MARK2: variants seen among roughly 807,000 people sequenced by gnomAD.
MARK2 encodes the protein microtubule affinity regulating kinase 2.
MARK2 carries 16 observed loss-of-function variants against 89.8 expected under a neutral mutation model. The observed-to-expected ratio is 0.18, with a 90% CI of 0.12 to 0.27. The LOEUF (loss-of-function observed/expected upper bound fraction) is 0.27. Among genes scored for constraint, MARK2 ranks in the 10% least tolerant of loss-of-function variants. The probability of loss-of-function intolerance (pLI) is 1.00; values close to 1 mark genes in which losing one functional copy is unlikely to be tolerated. For missense variants in MARK2, 621 were observed against 1,049.9 expected (o/e 0.59, Z 5.65); for synonymous variants, 382 against 399.5 (o/e 0.96, Z 0.52).
intron 1 of MARK2, among the ~76,000 whole-genome samples, chr11:63,853,205 C>T (rs2016659716): frequency 1.3e-5 from 2 of 151,958 alleles, no homozygotes; most frequent in South Asian, 4.2e-4. Flanking sequence ...TTGAGACCAG[C>T]CTGGCCAACA....
intron 1 of MARK2, among the ~76,000 whole-genome samples, chr11:63,861,207 G>A (rs187771092): frequency 8.3e-4 from 126 of 152,240 alleles, no homozygotes; most frequent in African/African-American, 2.8e-3. Context: ...AGGCTAAGGC[G>A]GGCGGATCAC....
intron 3 of MARK2, among the ~76,000 whole-genome samples, 185 bp downstream of exon 3, chr11:63,895,818 C>T (rs1324728191): frequency 2.0e-5 from 3 of 151,724 alleles, no homozygotes; most frequent in Non-Finnish European, 2.9e-5. Context: ...TATAGGCACC[C>T]GCCACCACAC....
intron 1 of MARK2, among the ~76,000 whole-genome samples, chr11:63,850,239 C>T (rs1369527041): frequency 3.3e-5 from 5 of 152,038 alleles, no homozygotes; most frequent in African/African-American, 4.8e-5. Context: ...ACCTCCACCT[C>T]CCAGGTTCAA....
chr11:63,873,417 C>T (rs1349872872), intron 1 of MARK2, among the ~76,000 whole-genome samples: 1 of 152,122 alleles, frequency 6.6e-6, no homozygotes, highest in Non-Finnish European at 1.5e-5. Context: ...GTAGCTGCTC[C>T]TTTGAGAGAA....
chr11:63,873,963 A>G (rs1256790311), intron 1 of MARK2, among the ~76,000 whole-genome samples: 2 of 152,198 alleles, frequency 1.3e-5, no homozygotes, highest in African/African-American at 4.8e-5. Flanking sequence ...TTGGTTATTT[A>G]GGGGCTGTGA....
intron 1 of MARK2, among the ~76,000 whole-genome samples, chr11:63,845,851 T>A (rs1434659831): frequency 6.6e-6 from 1 of 152,044 alleles, no homozygotes; most frequent in Non-Finnish European, 1.5e-5. Flanking sequence ...GTCTTCCAAA[T>A]AACCAGGATT....
chr11:63,885,410 G>A (rs1040156708), intron 1 of MARK2, among the ~76,000 whole-genome samples: 1 of 151,592 alleles, frequency 6.6e-6, no homozygotes, highest in African/African-American at 2.4e-5. Flanking sequence ...GTATTGCTGT[G>A]GGCCTATAGT....
chr11:63,844,680 T>C (rs900411870), intron 1 of MARK2, among the ~76,000 whole-genome samples: 1 of 152,212 alleles, frequency 6.6e-6, no homozygotes, highest in Non-Finnish European at 1.5e-5. Flanking sequence ...AGTTGGTGCC[T>C]ATGAGGTAGG....
At position 63,904,227 on chromosome 11, in the gene MARK2, CT is replaced by C. The variant is rs1448921410; in HGVS notation, c.1676+82del. ...TTGCCCCAACAATTTCTTCTTCCCACTTGGGGGTCCTGCTGTGTTCTTGTCA... is the reference window on the plus strand; with the variant it reads ...TTGCCCCAACAATTTCTTCTTCCCACTGGGGGTCCTGCTGTGTTCTTGTCA... On this transcript the variant is annotated intron_variant, in intron 15 of 18. Transcript: ENST00000402010. The surrounding 1 kb of genome is among the most constrained non-coding windows in gnomAD (Gnocchi z 6.3). 2.6e-5 allele frequency: 33 copies of C among 1,258,620 alleles called. No individual in the cohort carries two copies. The highest frequency in any genetic ancestry group is 3.2e-5 in the Non-Finnish European group (30 of 928,608). 78.0% of individuals were successfully genotyped at this position (1,258,620 alleles called of 1,614,324 possible). A position where few individuals can be genotyped will look rare whatever the true frequency, so the allele number is the denominator to read the frequency against.
At chr11:63,868,403 A>G (rs764695740) in intron 1 of MARK2, 42 of 176,486 alleles carry the variant, frequency 2.4e-4, no homozygotes, top group African/African-American at 9.4e-4. Context: ...AAGTGTGTCC[A>G]TATTGATTTG....
intron 1 of MARK2, among the ~76,000 whole-genome samples, chr11:63,863,060 C>T (rs572920823): frequency 6.6e-6 from 1 of 152,130 alleles, no homozygotes; most frequent in African/African-American, 2.4e-5. Context: ...GGTGCCAGGC[C>T]TTGTGTGTGT....
At chr11:63,894,808 G>A (rs1008857181) in intron 1 of MARK2, among the ~76,000 whole-genome samples, 2 of 152,174 alleles carry the variant, frequency 1.3e-5, no homozygotes, top group South Asian at 4.1e-4. Context: ...CAGTCTTCTC[G>A]CAGTGTGCAC....
At chr11:63,853,037 A>G (rs2016650320) in intron 1 of MARK2, among the ~76,000 whole-genome samples, 1 of 152,230 alleles carries the variant, frequency 6.6e-6, no homozygotes. Flanking sequence ...ACATTCCTGA[A>G]TGCCCACTGG....
chr11:63,847,196 C>T (rs2016329869), intron 1 of MARK2, among the ~76,000 whole-genome samples: 1 of 152,204 alleles, frequency 6.6e-6, no homozygotes, highest in South Asian at 2.1e-4. Context: ...GCACTTATTT[C>T]CCCCTACTTG....
intron 16 of MARK2, 61 bp downstream of exon 16, chr11:63,905,104 G>T (rs1941218786): frequency 2.0e-6 from 3 of 1,520,438 alleles, no homozygotes; most frequent in Non-Finnish European, 2.7e-6. Context: ...TTTACTCGGG[G>T]TGGGTTGGGG....
rs1318921594 is a variant in MARK2, at chr11:63,895,148, C to T, written c.55-11C>T. On this transcript the variant is annotated splice_polypyrimidine_tract_variant and intron_variant, in intron 1 of 18. Coordinates refer to ENST00000402010, the MANE Select transcript of MARK2 (RefSeq NM_001039469.3). The stretch of plus-strand genomic sequence containing the variant: ...GTGGCATGTAATGGTATCTCTGTTT[C>T]CACCCCGCAGCCCACCTTGGGACAC... 1 of 1,608,790 alleles carries T rather than the reference C, an allele frequency of 6.2e-7. No individual in the cohort carries two copies. The highest frequency in any genetic ancestry group is 8.5e-7 in the Non-Finnish European group (1 of 1,176,550).
chr11:63,876,401 G>A (rs899849163), intron 1 of MARK2, among the ~76,000 whole-genome samples: 3 of 152,206 alleles, frequency 2.0e-5, no homozygotes, highest in East Asian at 3.8e-4. Context: ...CCAGCATGTC[G>A]CCAGGCATTG....
At chr11:63,844,207 C>T (rs1362900516) in intron 1 of MARK2, among the ~76,000 whole-genome samples, 2 of 152,266 alleles carry the variant, frequency 1.3e-5, no homozygotes, top group East Asian at 3.9e-4. Flanking sequence ...TGGTCAGGCA[C>T]CATGGCTCAT....
At position 63,909,527 on chromosome 11, in the gene MARK2, G is replaced by A. The variant is rs1473402807; in HGVS notation, c.*290G>A. 3.2e-6 allele frequency: 1 copy of A among 310,066 alleles called. No homozygotes were observed. Among genetic ancestry groups the A allele is most frequent in the Non-Finnish European group, 5.9e-6 (1 of 168,476 alleles). The allele number at this position is 310,066 out of a possible 1,614,324, so 19.2% of individuals were successfully genotyped here. A position where few individuals can be genotyped will look rare whatever the true frequency, so the allele number is the denominator to read the frequency against. On this transcript the variant is annotated 3_prime_UTR_variant, in exon 19 of 19. Transcript: ENST00000402010. ...GGGGGCAGGGCTCCCCCTCGGTACT[G>A]CGGTTGCACAGAGTATTTCGCCTAA...
Sources: allele counts gnomAD v4.1 joint callset (sites outside exome capture counted in the v4.1 genomes callset), GRCh38; gene constraint gnomAD v4.1.1; non-coding constraint Gnocchi (gnomAD v3.1); transcripts MANE v1.5; gene names NCBI Gene and HGNC (gene_info 2026-07-23, HGNC 2026-07-21).